LRCH1: variants seen among roughly 807,000 people sequenced by gnomAD.
LRCH1 encodes leucine-rich repeat and calponin homology domain-containing protein 1.
Under a neutral mutation model 94.9 loss-of-function variants are expected in LRCH1, and 23 were observed. The observed-to-expected ratio is 0.24, with a 90% CI of 0.17 to 0.34. The LOEUF (loss-of-function observed/expected upper bound fraction) is 0.34. Among genes scored for constraint, LRCH1 ranks in the 10% least tolerant of loss-of-function variants. The pLI is 1.00. For synonymous variants in LRCH1, 364 were observed against 354.9 expected (o/e 1.03, Z -0.29); for missense variants, 790 against 945.9 (o/e 0.84, Z 2.16).
intron 2 of LRCH1, among the ~76,000 whole-genome samples, chr13:46,656,525 T>G (rs138027038): frequency 2.7e-4 from 41 of 152,354 alleles, no homozygotes; most frequent in East Asian, 2.5e-3. Context: ...TAGCCAGGTT[T>G]TGTTTTGTGA....
At chr13:46,563,773 A>C (rs1432803561) in intron 1 of LRCH1, among the ~76,000 whole-genome samples, 2 of 152,312 alleles carry the variant, frequency 1.3e-5, no homozygotes, top group South Asian at 2.1e-4. Flanking sequence ...CCATCCATTC[A>C]TATCTCTCCC....
Position 46,689,456 on chromosome 13 carries a change from C to T in LRCH1, c.1014+260C>T, listed in dbSNP as rs116466223. 2.8e-3 allele frequency among the ~76,000 whole-genome samples: 430 copies of T among 152,218 alleles called. 3 individuals carry two copies. Among genetic ancestry groups the T allele is most frequent in the African/African-American group, 9.8e-3 (409 of 41,554 alleles). On this transcript the variant is annotated intron_variant, in intron 7 of 19. Transcript: ENST00000389797. ...GGAGTCTGTATCTTCTCCTCTCCTACACATTATCTAAAATATTATTGAGTG... is the reference window on the plus strand; with the variant it reads ...GGAGTCTGTATCTTCTCCTCTCCTATACATTATCTAAAATATTATTGAGTG...
chr13:46,581,464 G>T (rs1423303004), intron 1 of LRCH1, among the ~76,000 whole-genome samples: 1 of 152,240 alleles, frequency 6.6e-6, no homozygotes, highest in African/African-American at 2.4e-5. Flanking sequence ...GAGAGGTACA[G>T]TAAGAATAGC....
chr13:46,694,308 T>C (rs1021860177), intron 8 of LRCH1, among the ~76,000 whole-genome samples: 8 of 152,102 alleles, frequency 5.3e-5, no homozygotes, highest in Non-Finnish European at 1.0e-4. Flanking sequence ...CTCCCCCACC[T>C]CCCCTGGAAC....
At position 46,695,004 on chromosome 13, in the gene LRCH1, T is replaced by G. The variant is rs1480763541; in HGVS notation, c.1232T>G (p.Phe411Cys). Reference protein sequence around the residue: ...TDRADGLHSEFMNYKARAEDC... With the variant: ...TDRADGLHSECMNYKARAEDC... Reference sequence around the variant, plus strand: ...AGAGCAGATGGTCTCCATTCGGAATTTATGAACTATAAGGCAAGATTTTCA... The same window carrying G: ...AGAGCAGATGGTCTCCATTCGGAATGTATGAACTATAAGGCAAGATTTTCA... Residue 411 changes from phenylalanine to cysteine, a missense_variant, in exon 9 of 20, where the codon TTT becomes TGT. Around this residue, in one of 3 missense-constraint regions of LRCH1, gnomAD observed 460 missense variants for 508.9 expected, o/e 0.90. Coordinates refer to ENST00000389797, the MANE Select transcript of LRCH1 (RefSeq NM_001164211.2). The G allele has an allele frequency of 6.2e-7, 1 of 1,613,748 alleles. No individual in the cohort carries two copies. Among genetic ancestry groups the G allele is most frequent in the African/African-American group, 1.3e-5 (1 of 74,916 alleles).
rs563267657 is a variant in LRCH1, at chr13:46,601,558, C to T, written c.307+47855C>T. Among the ~76,000 whole-genome samples the T allele has an allele frequency of 2.0e-5, 3 of 152,220 alleles. No homozygotes were observed. In the South Asian group the frequency reaches 6.2e-4, roughly 32 times the overall value. On this transcript the variant is annotated intron_variant, in intron 1 of 19. Transcript: ENST00000389797. ...TGGTCCCTTGAGGTTAGTTCAATGT[C>T]CTCTTGTAATCTGAATTTTTTCATC...
intron 1 of LRCH1, among the ~76,000 whole-genome samples, chr13:46,586,442 G>T (rs1427160249): frequency 2.0e-5 from 3 of 152,208 alleles, no homozygotes; most frequent in East Asian, 3.9e-4. Flanking sequence ...TTGAGACAGG[G>T]TCTCCCTCTG....
Position 46,650,427 on chromosome 13 carries a change from C to T in LRCH1, c.452+82C>T, listed in dbSNP as rs1414535621. 7 of 1,256,844 alleles carry T rather than the reference C, an allele frequency of 5.6e-6. No homozygotes were observed. The East Asian group carries it at 1.5e-4, about 28-fold the overall frequency. 77.9% of individuals were successfully genotyped at this position (1,256,844 alleles called of 1,614,324 possible). Reference sequence around the variant, plus strand: ...CTTTCATTTCTATCCATTTTTTCCCCTTTTTGCAATTCTTGATTTTTCTTT... The same window carrying T: ...CTTTCATTTCTATCCATTTTTTCCCTTTTTTGCAATTCTTGATTTTTCTTT... On this transcript the variant is annotated intron_variant, in intron 2 of 19. Transcript: ENST00000389797.
intron 1 of LRCH1, among the ~76,000 whole-genome samples, chr13:46,614,509 G>C (rs186081830): frequency 3.9e-5 from 6 of 152,266 alleles, no homozygotes; most frequent in Non-Finnish European, 2.9e-5. Context: ...AACCCAAACT[G>C]TTCTTAGAGG....
chr13:46,678,499 G>A (rs2051706915), intron 3 of LRCH1, among the ~76,000 whole-genome samples: 1 of 152,172 alleles, frequency 6.6e-6, no homozygotes, highest in Non-Finnish European at 1.5e-5. Context: ...AGGACAGGAA[G>A]TAATTGACAA....
At position 46,743,915 on chromosome 13, in the gene LRCH1, G is replaced by T. The variant is rs557559966; in HGVS notation, c.*2067G>T. On this transcript the variant is annotated 3_prime_UTR_variant, in exon 20 of 20. Transcript: ENST00000389797. ...CTGGCATCCAAAGTATTCTTTGGACGCACTTTGATTTTTTTTGTGTCATTA... is the reference window on the plus strand; with the variant it reads ...CTGGCATCCAAAGTATTCTTTGGACTCACTTTGATTTTTTTTGTGTCATTA... 2 of 985,336 alleles carry T rather than the reference G, an allele frequency of 2.0e-6. No homozygotes were observed. The highest frequency in any genetic ancestry group is 9.4e-5 in the South Asian group (2 of 21,274). 61.0% of individuals were successfully genotyped at this position (985,336 alleles called of 1,614,324 possible). A position where few individuals can be genotyped will look rare whatever the true frequency, so the allele number is the denominator to read the frequency against.
chr13:46,641,538 G>A (rs554635138), intron 1 of LRCH1, among the ~76,000 whole-genome samples: 1 of 152,160 alleles, frequency 6.6e-6, no homozygotes, highest in African/African-American at 2.4e-5. Context: ...ACATGTTTAT[G>A]ATGTCATTTG....
Position 46,744,749 on chromosome 13 carries a change from G to A in LRCH1, c.*2901G>A. Reference sequence around the variant, plus strand: ...CCTTTGCCTGTGGGGAAAAAGTAGGGATGATATTTTAAAATTTTAAGAAAC... The same window carrying A: ...CCTTTGCCTGTGGGGAAAAAGTAGGAATGATATTTTAAAATTTTAAGAAAC... On this transcript the variant is annotated 3_prime_UTR_variant, in exon 20 of 20. Transcript: ENST00000389797. 4.1e-6 allele frequency: 4 copies of A among 985,350 alleles called. No individual in the cohort carries two copies. In the South Asian group the frequency reaches 1.9e-4, roughly 46 times the overall value. The allele number at this position is 985,350 out of a possible 1,614,324, so 61.0% of individuals were successfully genotyped here.
chr13:46,705,058 T>C lies in LRCH1; in HGVS notation c.1401-10T>C, dbSNP rs778961307. On this transcript the variant is annotated splice_polypyrimidine_tract_variant and intron_variant, in intron 11 of 19. Transcript: ENST00000389797. ...TACGTTTACTAATATCTTTTTTTCC[T>C]ACTCTTTAGATTAAGCACAGATATT... The C allele has an allele frequency of 2.8e-6, 4 of 1,440,556 alleles. No homozygotes were observed. The highest frequency in any genetic ancestry group is 2.3e-5 in the East Asian group (1 of 43,956). The allele number at this position is 1,440,556 out of a possible 1,614,324, so 89.2% of individuals were successfully genotyped here.
intron 17 of LRCH1, among the ~76,000 whole-genome samples, chr13:46,724,045 G>A (rs1461514499): frequency 6.6e-6 from 1 of 152,068 alleles, no homozygotes; most frequent in East Asian, 1.9e-4. Flanking sequence ...CTGGAGTGCA[G>A]TCGCATGATC....
At chr13:46,559,514 G>T (rs1317363907) in intron 1 of LRCH1, among the ~76,000 whole-genome samples, 1 of 152,194 alleles carries the variant, frequency 6.6e-6, no homozygotes. Flanking sequence ...TAGTGGTTCT[G>T]AATCACGTCT....
chr13:46,612,959 C>G (rs1242830913), intron 1 of LRCH1, among the ~76,000 whole-genome samples: 1 of 152,090 alleles, frequency 6.6e-6, no homozygotes, highest in Non-Finnish European at 1.5e-5. Context: ...CCCAGTTTAG[C>G]ATATATGTAT....
Position 46,637,913 on chromosome 13 carries a change from A to G in LRCH1, c.308-12288A>G, listed in dbSNP as rs557776995. ...TAGGTACACAGCAAGTATTCCTTGA[A>G]TGACTATAGAGAAGAAGCTTTCACA... On this transcript the variant is annotated intron_variant, in intron 1 of 19. Coordinates refer to ENST00000389797, the MANE Select transcript of LRCH1 (RefSeq NM_001164211.2). 3.3e-5 allele frequency among the ~76,000 whole-genome samples: 5 copies of G among 152,346 alleles called. No homozygotes were observed. In the East Asian group the frequency reaches 9.6e-4, roughly 29 times the overall value.
rs867228811 is a variant in LRCH1 at position 46,618,325 on chromosome 13, G to C, written c.308-31876G>C. On this transcript the variant is annotated intron_variant, in intron 1 of 19. Transcript: ENST00000389797. ...ATAGAAAAGGTACAGTAAAACTAAG[G>C]CATAAAAAGTGAAAATGGTACACCT... is the stretch of plus-strand genomic sequence containing the variant. Among the ~76,000 whole-genome samples, 7 of 152,112 alleles carry C rather than the reference G, an allele frequency of 4.6e-5. No individual in the cohort carries two copies. In the East Asian group the frequency reaches 9.6e-4, roughly 21 times the overall value.
Sources: allele counts gnomAD v4.1 joint callset (sites outside exome capture counted in the v4.1 genomes callset), GRCh38; gene constraint gnomAD v4.1.1; regional missense constraint gnomAD v4.1.1; transcripts MANE v1.5; gene names NCBI Gene and HGNC (gene_info 2026-07-23, HGNC 2026-07-21).